The following USP10 variants were observed in gnomAD, a reference collection of about 807,000 sequenced individuals.
USP10 encodes the protein ubiquitin specific peptidase 10.
Under a neutral mutation model 84.5 loss-of-function variants are expected in USP10, and 22 were observed. The ratio of observed to expected loss-of-function variants is 0.26; its 90% confidence interval spans 0.19 to 0.37. The LOEUF (loss-of-function observed/expected upper bound fraction) is 0.37. Ranked by LOEUF, USP10 falls within the 10% of genes least tolerant of loss-of-function variation. The pLI is 1.00. For synonymous variants in USP10, 454 were observed against 387.6 expected (o/e 1.17, Z -2.01); for missense variants, 1,019 against 998.9 (o/e 1.02, Z -0.27).
chr16:84,774,496 T>TC (rs1567654779), intron 12 of USP10, among the ~76,000 whole-genome samples: 3 of 10,548 alleles, frequency 2.8e-4, no homozygotes, highest in Middle Eastern at 0.029. Flanking sequence ...TGTTTGTTTT[T>TC]TTCTTGCTCT....
intron 1 of USP10, among the ~76,000 whole-genome samples, chr16:84,705,325 G>A (rs1352390591): frequency 4.0e-5 from 6 of 151,602 alleles, no homozygotes; most frequent in South Asian, 2.1e-4. Context: ...TCTGCCTCCC[G>A]GGTTCAAGTG....
At chr16:84,732,441 CTTCTT>C (rs1597325005) in intron 1 of USP10, 85 of 396,652 alleles carry the variant, frequency 2.1e-4, no homozygotes, top group East Asian at 4.1e-4. Flanking sequence ...ACTTCTTCTT[CTTCTT>C]TTTTTTTTTT....
chr16:84,702,498 T>G (rs1567581269), intron 1 of USP10, among the ~76,000 whole-genome samples: 1 of 152,234 alleles, frequency 6.6e-6, no homozygotes, highest in East Asian at 1.9e-4. Flanking sequence ...TTGCCTACTG[T>G]CCTAAGAGTC....
chr16:84,733,512 A>C lies in USP10; in HGVS notation c.90+9A>C. 1 of 1,605,544 alleles carries C rather than the reference A, an allele frequency of 6.2e-7. No homozygotes were observed. The highest frequency in any genetic ancestry group is 8.5e-7 in the Non-Finnish European group (1 of 1,176,420). ...CTCGATCTTCAGTTGAGGTAAGACAAAACTTTGTTTTAGTGAGTCCGTGGG... is the reference window on the plus strand; with the variant it reads ...CTCGATCTTCAGTTGAGGTAAGACACAACTTTGTTTTAGTGAGTCCGTGGG... On this transcript the variant is annotated intron_variant, in intron 2 of 13. Coordinates refer to ENST00000219473, the MANE Select transcript of USP10 (RefSeq NM_005153.3).
rs1470940608 is a variant in USP10, at chr16:84,763,092, G to A, written c.1654+4G>A. ...CTTCTCTCACCAAGTAATGAAAGTA[G>A]GTTATGGTCCACTTGCCGCAGAGTT... is the stretch of plus-strand genomic sequence containing the variant. On this transcript the variant is annotated splice_donor_region_variant and intron_variant, in intron 9 of 13. Transcript: ENST00000219473. The A allele has an allele frequency of 6.2e-7, 1 of 1,600,026 alleles. No individual in the cohort carries two copies. Among genetic ancestry groups the A allele is most frequent in the South Asian group, 1.1e-5 (1 of 90,582 alleles).
intron 1 of USP10, among the ~76,000 whole-genome samples, chr16:84,712,278 C>T (rs183621566): frequency 1.3e-5 from 2 of 152,208 alleles, no homozygotes; most frequent in Non-Finnish European, 2.9e-5. Flanking sequence ...CTGAGAGTAG[C>T]GGAAGGAAGA....
rs1252199276 is a variant in USP10 at position 84,733,760 on chromosome 16, T to C, written c.90+257T>C. Among the ~76,000 whole-genome samples the C allele has an allele frequency of 2.6e-5, 4 of 152,210 alleles. No homozygotes were observed. In the East Asian group the frequency reaches 7.7e-4, roughly 29 times the overall value. ...AAGCCTCCTTTGGACCTCTCTCCCA[T>C]CTCTCCCCAGAAGTAACTACTCTGC... is the stretch of plus-strand genomic sequence containing the variant. On this transcript the variant is annotated intron_variant, in intron 2 of 13. Transcript: ENST00000219473.
Position 84,779,337 on chromosome 16 carries a change from GA to G in USP10, c.*258del, listed in dbSNP as rs765117133. 9.1e-6 allele frequency: 3 copies of G among 328,710 alleles called. No individual in the cohort carries two copies. The highest frequency in any genetic ancestry group is 1.7e-5 in the Non-Finnish European group (3 of 179,888). 20.4% of individuals were successfully genotyped at this position (328,710 alleles called of 1,614,324 possible). On this transcript the variant is annotated 3_prime_UTR_variant, in exon 14 of 14. Coordinates refer to ENST00000219473, the MANE Select transcript of USP10 (RefSeq NM_005153.3). ...AAAATACACAAAAACCCATATTTCT[GA>G]AATAATGCTGATTCCTGAGATAAGA...
intron 1 of USP10, among the ~76,000 whole-genome samples, chr16:84,701,831 G>A (rs1013409345): frequency 6.6e-6 from 1 of 151,978 alleles, no homozygotes; most frequent in Non-Finnish European, 1.5e-5. Flanking sequence ...GTAAATGTTA[G>A]CAACACTTTG....
intron 4 of USP10, among the ~76,000 whole-genome samples, chr16:84,747,726 GCTAT>G (rs954522192): frequency 1.3e-5 from 2 of 151,796 alleles, no homozygotes; most frequent in African/African-American, 2.4e-5. Context: ...ACAATGTCTG[GCTAT>G]CTTTTTTTGT....
At chr16:84,740,587 T>G (rs1910511048) in intron 3 of USP10, among the ~76,000 whole-genome samples, 2 of 152,276 alleles carry the variant, frequency 1.3e-5, no homozygotes, top group Admixed American at 6.5e-5. Flanking sequence ...ATGTAAGATT[T>G]AGTTTAGGAA....
At chr16:84,762,855 C>G (rs745757021) in intron 8 of USP10, 134 bp from the exon 9 acceptor site, 1 of 537,410 alleles carries the variant, frequency 1.9e-6, no homozygotes, top group Non-Finnish European at 3.3e-6. Flanking sequence ...CCCATGTCAT[C>G]ATGTCATTGT....
chr16:84,747,050 A>T (rs977385987), intron 4 of USP10, among the ~76,000 whole-genome samples: 4 of 152,218 alleles, frequency 2.6e-5, no homozygotes, highest in Admixed American at 2.0e-4. Flanking sequence ...AGGCGGCAGG[A>T]CGTTTCAGTT....
rs183543410 is a variant in USP10, at chr16:84,760,031, T to A, written c.1450+85T>A. On this transcript the variant is annotated intron_variant, in intron 7 of 13. Transcript: ENST00000219473. Reference sequence around the variant, plus strand: ...CTTAAATTTGGTAAATTCAGTCTTGTTGGGAAGATAGTGTCTTTACACCTA... The same window carrying A: ...CTTAAATTTGGTAAATTCAGTCTTGATGGGAAGATAGTGTCTTTACACCTA... The A allele has an allele frequency of 1.1e-4, 178 of 1,559,424 alleles. No homozygotes were observed. The African/African-American group carries it at 2.1e-3, about 19-fold the overall frequency.
At chr16:84,721,014 C>T (rs1418848007) in intron 1 of USP10, among the ~76,000 whole-genome samples, 2 of 151,812 alleles carry the variant, frequency 1.3e-5, no homozygotes. Context: ...CTGCCTCAGC[C>T]TCTCGAGTAG....
intron 12 of USP10, 125 bp from the exon 13 acceptor site, chr16:84,775,035 T>A: frequency 1.3e-6 from 1 of 783,616 alleles, no homozygotes; most frequent in Admixed American, 2.0e-5. Context: ...AGGGATAGAG[T>A]GTTGTTTTGT....
At chr16:84,730,149 C>A (rs1479675560) in intron 1 of USP10, among the ~76,000 whole-genome samples, 2 of 152,208 alleles carry the variant, frequency 1.3e-5, no homozygotes, top group African/African-American at 4.8e-5. Context: ...CCACTCAGTG[C>A]TACTGTCCCA....
At chr16:84,737,157 A>T (rs1402369292) in intron 2 of USP10, among the ~76,000 whole-genome samples, 1 of 152,234 alleles carries the variant, frequency 6.6e-6, no homozygotes, top group African/African-American at 2.4e-5. Context: ...GACGGAAAGC[A>T]GAACACACAG....
Position 84,779,646 on chromosome 16 carries a change from G to A in USP10, c.*564G>A, listed in dbSNP as rs924543204. On this transcript the variant is annotated 3_prime_UTR_variant, in exon 14 of 14. Coordinates refer to ENST00000219473, the MANE Select transcript of USP10 (RefSeq NM_005153.3). ...AATTGTACTGAGAGAAACTGCTTACGTACACATTGCAGATCAAATATTTGG... is the reference window on the plus strand; with the variant it reads ...AATTGTACTGAGAGAAACTGCTTACATACACATTGCAGATCAAATATTTGG... 1.2e-4 allele frequency: 19 copies of A among 152,836 alleles called. No individual in the cohort carries two copies. Among genetic ancestry groups the A allele is most frequent in the South Asian group, 6.2e-4 (3 of 4,838 alleles). 9.5% of individuals were successfully genotyped at this position (152,836 alleles called of 1,614,324 possible). A position where few individuals can be genotyped will look rare whatever the true frequency, so the allele number is the denominator to read the frequency against.
Sources: allele counts gnomAD v4.1 joint callset (sites outside exome capture counted in the v4.1 genomes callset), GRCh38; gene constraint gnomAD v4.1.1; transcripts MANE v1.5; gene names NCBI Gene and HGNC (gene_info 2026-07-23, HGNC 2026-07-21).